CSGALNACT1: variants seen among roughly 807,000 people sequenced by gnomAD.
The protein encoded by CSGALNACT1 is chondroitin sulfate N-acetylgalactosaminyltransferase 1.
Under a neutral mutation model 51.0 loss-of-function variants are expected in CSGALNACT1, and 52 were observed. The ratio of observed to expected loss-of-function variants is 1.02; its 90% confidence interval spans 0.82 to 1.29. The LOEUF (loss-of-function observed/expected upper bound fraction) is 1.29. Ranked by LOEUF, CSGALNACT1 falls within the 50% of genes most tolerant of loss-of-function variation. CSGALNACT1 has a pLI of 0.00. For missense variants in CSGALNACT1, 935 were observed against 679.2 expected (o/e 1.38, Z -4.19); for synonymous variants, 341 against 254.4 (o/e 1.34, Z -3.24).
At chr8:19,666,898 T>TGAGGAAGGGAGGAAGG (rs554402840) in intron 1 of CSGALNACT1, among the ~76,000 whole-genome samples, 4 of 46,440 alleles carry the variant, frequency 8.6e-5, no homozygotes, top group African/African-American at 3.5e-4. Flanking sequence ...AGAGAGGAAG[T>TGAGGAAGGGAGGAAGG]GAGGAAGGGA....
rs1413283312 is a variant in CSGALNACT1, at chr8:19,757,012, G to A, written c.-297+838C>T. ...CCGTGCCCTGGGCCCCCGGCGGGCA[G>A]CGGCGGAGGGAGGCCAGGCGCGGCA... On this transcript the variant is annotated intron_variant, in intron 1 of 1. Coordinates refer to the CSGALNACT1 transcript ENST00000517494. This position sits in a 1 kb window ranked among gnomAD's most constrained non-coding sequence, Gnocchi z 4.0. Among the ~76,000 whole-genome samples the A allele has an allele frequency of 6.6e-6, 1 of 150,956 alleles. No homozygotes were observed. Among genetic ancestry groups the A allele is most frequent in the Non-Finnish European group, 1.5e-5 (1 of 67,642 alleles).
chr8:19,684,175 A>T (rs919840357), upstream of CSGALNACT1, among the ~76,000 whole-genome samples: 4 of 152,078 alleles, frequency 2.6e-5, no homozygotes, highest in Non-Finnish European at 5.9e-5. Flanking sequence ...CAAAAAAAAA[A>T]TACATAATAA....
At chr8:19,672,239 C>G (rs2059849890) in intron 1 of CSGALNACT1, among the ~76,000 whole-genome samples, 1 of 152,212 alleles carries the variant, frequency 6.6e-6, no homozygotes, top group African/African-American at 2.4e-5. Flanking sequence ...ATCAGCTTCT[C>G]TGTATATCAA....
In CSGALNACT1 at chr8:19,446,410, G is replaced by T. The variant is rs143968018; in HGVS notation, c.852-6479C>A. Among the ~76,000 whole-genome samples, 45 of 152,158 alleles carry T rather than the reference G, an allele frequency of 3.0e-4. No individual in the cohort carries two copies. In the East Asian group the frequency reaches 6.6e-3, roughly 22 times the overall value. On this transcript the variant is annotated intron_variant, in intron 5 of 9. Transcript: ENST00000454498. ...ACTCCAACTTCCTAAGATCCCTCCAGGGAGCTCATCATTTTCCCATAGTCT... is the reference window on the plus strand; with the variant it reads ...ACTCCAACTTCCTAAGATCCCTCCATGGAGCTCATCATTTTCCCATAGTCT...
intron 1 of CSGALNACT1, among the ~76,000 whole-genome samples, chr8:19,676,823 G>A (rs114780574): frequency 0.031 from 4,658 of 152,250 alleles, 256 homozygotes; most frequent in African/African-American, 0.11. Context: ...ACAACTGGGA[G>A]GCTCGGTACT....
intron 2 of CSGALNACT1, among the ~76,000 whole-genome samples, chr8:19,595,328 C>T (rs2048663043): frequency 6.6e-6 from 1 of 152,096 alleles, no homozygotes; most frequent in Admixed American, 6.6e-5. Flanking sequence ...AGACTTTCAC[C>T]AGAGACTGGA....
chr8:19,737,642 A>T (rs2064066082), intron 1 of CSGALNACT1, among the ~76,000 whole-genome samples: 1 of 152,168 alleles, frequency 6.6e-6, no homozygotes, highest in Admixed American at 6.5e-5. Context: ...AAAGAAGGAG[A>T]GAAAATGAAA....
At chr8:19,663,727 G>A (rs2058958232) in intron 1 of CSGALNACT1, among the ~76,000 whole-genome samples, 1 of 152,188 alleles carries the variant, frequency 6.6e-6, no homozygotes. Flanking sequence ...ATAACTTGAG[G>A]AAAACGCAAT....
intron 8 of CSGALNACT1, among the ~76,000 whole-genome samples, chr8:19,417,700 C>T (rs554297949): frequency 7.2e-5 from 11 of 152,310 alleles, no homozygotes; most frequent in Admixed American, 2.6e-4. Context: ...GAAGAACAGA[C>T]GTCCCTCAGA....
chr8:19,452,456 A>G (rs1014276195), intron 5 of CSGALNACT1, among the ~76,000 whole-genome samples: 3 of 151,234 alleles, frequency 2.0e-5, no homozygotes, highest in Non-Finnish European at 4.4e-5. Flanking sequence ...ATTTGACATA[A>G]GCAAAGGAAA....
At position 19,753,355 on chromosome 8, in the gene CSGALNACT1, T is replaced by TAA. The variant is rs148080694; in HGVS notation, c.-297+4493_-297+4494dup. ...ATTACTGACCTAGACCTTGATTTTT[T>TAA]AAAAAAAACCAGATTGTCTTACCGT... On this transcript the variant is annotated intron_variant, in intron 1 of 1. Transcript: ENST00000517494. Among the ~76,000 whole-genome samples the TAA allele has an allele frequency of 4.6e-5, 7 of 151,972 alleles. No homozygotes were observed. The East Asian group carries it at 5.8e-4, about 13-fold the overall frequency.
intron 1 of CSGALNACT1, among the ~76,000 whole-genome samples, chr8:19,726,768 C>T (rs1589717910): frequency 2.0e-5 from 3 of 152,264 alleles, no homozygotes; most frequent in South Asian, 4.1e-4. Context: ...GCAGAAATTT[C>T]CTCTGGATAG....
chr8:19,714,129 TA>T (rs2062668103), intron 1 of CSGALNACT1, among the ~76,000 whole-genome samples: 1 of 152,230 alleles, frequency 6.6e-6, no homozygotes, highest in African/African-American at 2.4e-5. Flanking sequence ...TTCTCATCTA[TA>T]AACCTTATCC....
At chr8:19,575,163 T>TTTTAAATTGCA (rs2043909117) in intron 3 of CSGALNACT1, among the ~76,000 whole-genome samples, 1 of 152,222 alleles carries the variant, frequency 6.6e-6, no homozygotes, top group African/African-American at 2.4e-5. Context: ...CAAAATGCAA[T>TTTTAAATTGCA]TTTAAAATTC....
At chr8:19,505,084 C>G in intron 4 of CSGALNACT1, 117 bp downstream of exon 3, 1 of 1,139,194 alleles carries the variant, frequency 8.8e-7, no homozygotes, top group Non-Finnish European at 1.3e-6. Context: ...ACACATAAAA[C>G]TTTCCGCCAG....
At chr8:19,752,275 C>CT (rs35089364) in intron 1 of CSGALNACT1, among the ~76,000 whole-genome samples, 15,214 of 151,338 alleles carry the variant, frequency 0.1, 906 homozygotes, top group South Asian at 0.21. Context: ...GTTCTAACCA[C>CT]TTTTACAGAC....
intron 1 of CSGALNACT1, among the ~76,000 whole-genome samples, chr8:19,648,690 G>A (rs2057499381): frequency 6.6e-6 from 1 of 152,122 alleles, no homozygotes; most frequent in Non-Finnish European, 1.5e-5. Context: ...TGTAGTCCCA[G>A]GTACTCAGAA....
intron 3 of CSGALNACT1, among the ~76,000 whole-genome samples, chr8:19,531,477 C>T (rs2082751548): frequency 6.6e-6 from 1 of 152,172 alleles, no homozygotes; most frequent in African/African-American, 2.4e-5. Context: ...TTTAAGTTCC[C>T]TTATTTACAA....
At chr8:19,580,607 A>G (rs1474808408) in intron 3 of CSGALNACT1, among the ~76,000 whole-genome samples, 22 of 152,226 alleles carry the variant, frequency 1.4e-4, no homozygotes, top group Non-Finnish European at 2.9e-5. Context: ...CAGAGAGCCT[A>G]AAAATGTTCA....
Sources: gnomAD v4.1 joint callset for allele counts (sites outside exome capture counted in the v4.1 genomes callset) on GRCh38, gnomAD v4.1.1 for gene constraint, Gnocchi (gnomAD v3.1) non-coding constraint, MANE v1.5 for transcripts, NCBI Gene and HGNC (gene_info 2026-07-23, HGNC 2026-07-21) for gene names.